The following MAD1L1 variants were observed in gnomAD, a reference collection of about 807,000 sequenced individuals.
MAD1L1 encodes the protein mitotic arrest deficient 1 like 1.
Under a neutral mutation model 96.9 loss-of-function variants are expected in MAD1L1, and 95 were observed. The observed-to-expected ratio is 0.98, with a 90% CI of 0.83 to 1.16. The LOEUF (loss-of-function observed/expected upper bound fraction) is 1.16, where lower values mean the gene tolerates loss of function less well. Ranked by LOEUF, MAD1L1 falls within the 50% of genes most tolerant of loss-of-function variation. MAD1L1 has a pLI of 0.00. For missense variants in MAD1L1, 1,007 were observed against 954.4 expected, an observed-to-expected ratio of 1.06 and a Z score of -0.73; for synonymous variants, 473 against 396.6, an observed-to-expected ratio of 1.19 and a Z score of -2.29.
Position 1,936,809 on chromosome 7 carries a change from C to T in MAD1L1, c.1685G>A (p.Ser562Asn), listed in dbSNP as rs368021777. The change falls in exon 17 of 19, where the codon AGC becomes AAC. Residue 562 changes from serine (S) to asparagine (N), a missense_variant. Ser to Asn is a conservative substitution (Grantham distance 46). Coordinates refer to ENST00000265854, the MANE Select transcript of MAD1L1 (RefSeq NM_001013836.2). Reference protein sequence around the residue: ...VARQRLREDHSQLQAECERLR... With the variant: ...VARQRLREDHNQLQAECERLR... The stretch of plus-strand genomic sequence containing the variant: ...TCGCTCGCACTCCGCCTGCAGCTGG[C>T]TGTGGTCCTCGCGCAGGCGCTGCCT... 1.3e-6 allele frequency: 2 copies of T among 1,597,778 alleles called. No individual in the cohort carries two copies. Among genetic ancestry groups the T allele is most frequent in the African/African-American group, 2.7e-5 (2 of 74,902 alleles).
intron 18 of MAD1L1, among the ~76,000 whole-genome samples, chr7:1,870,971 G>A (rs1280466915): frequency 6.9e-6 from 1 of 145,184 alleles, no homozygotes; most frequent in Non-Finnish European, 1.5e-5. Flanking sequence ...CTGCCACGCT[G>A]AACCCAACAT....
intron 10 of MAD1L1, among the ~76,000 whole-genome samples, chr7:2,194,013 G>A (rs983309842): frequency 1.6e-5 from 2 of 127,738 alleles, no homozygotes; most frequent in East Asian, 2.6e-4. Flanking sequence ...GCATGATCTC[G>A]GCTCACTGCA....
chr7:2,011,535 G>A (rs1420306538), intron 13 of MAD1L1, among the ~76,000 whole-genome samples: 1 of 152,188 alleles, frequency 6.6e-6, no homozygotes, highest in Non-Finnish European at 1.5e-5. Context: ...CCACCCGACT[G>A]TCACTTCAGG....
At chr7:2,144,858 A>G (rs1159316017) in intron 11 of MAD1L1, among the ~76,000 whole-genome samples, 1 of 152,132 alleles carries the variant, frequency 6.6e-6, no homozygotes, top group Admixed American at 6.5e-5. Context: ...AAACCAGGCC[A>G]GGCTCCCCTA....
intron 17 of MAD1L1, among the ~76,000 whole-genome samples, chr7:1,906,197 C>CCAG (rs1263521542): frequency 6.6e-6 from 1 of 152,160 alleles, no homozygotes; most frequent in Non-Finnish European, 1.5e-5. Flanking sequence ...GGAAGAGACG[C>CCAG]CAGCCCTGGT....
chr7:1,986,770 G>A (rs1181483088), intron 14 of MAD1L1, among the ~76,000 whole-genome samples: 1 of 152,200 alleles, frequency 6.6e-6, no homozygotes, highest in Admixed American at 6.5e-5. Context: ...CAGGAAACAA[G>A]GGGGAAATGC....
Position 2,198,087 on chromosome 7 carries a change from T to G in MAD1L1, c.986+15125A>C, listed in dbSNP as rs569079688. 2.6e-5 allele frequency among the ~76,000 whole-genome samples: 4 copies of G among 151,736 alleles called. No individual in the cohort carries two copies. The South Asian group carries it at 6.2e-4, about 24-fold the overall frequency. ...CAAGGTCCACCATGAGTTTGGGTTT[T>G]TTTTTTTTTTTTTGGAGGAAGGGTT... is the stretch of plus-strand genomic sequence containing the variant. On this transcript the variant is annotated intron_variant, in intron 10 of 18. Transcript: ENST00000265854.
chr7:2,232,166 G>A (rs1341778854), intron 1 of MAD1L1, among the ~76,000 whole-genome samples: 2 of 152,182 alleles, frequency 1.3e-5, no homozygotes, highest in East Asian at 1.9e-4. Flanking sequence ...CACAACTAGG[G>A]AACAGCCAAG....
At chr7:1,865,623 G>A (rs1272360929) in intron 18 of MAD1L1, among the ~76,000 whole-genome samples, 2 of 152,246 alleles carry the variant, frequency 1.3e-5, no homozygotes, top group South Asian at 2.1e-4. Flanking sequence ...CATCACCTCA[G>A]TGTGGAATTG....
At chr7:2,000,461 G>C (rs748461337) in intron 14 of MAD1L1, among the ~76,000 whole-genome samples, 1 of 152,090 alleles carries the variant, frequency 6.6e-6, no homozygotes, top group Non-Finnish European at 1.5e-5. Flanking sequence ...CACAAGGTTG[G>C]ACTACCAACC....
chr7:2,191,042 G>A (rs932699390), intron 10 of MAD1L1, among the ~76,000 whole-genome samples: 1 of 152,150 alleles, frequency 6.6e-6, no homozygotes. Context: ...TTATCTGCAA[G>A]AGCAAAAAAC....
chr7:1,893,067 A>C (rs1449778293), intron 18 of MAD1L1, among the ~76,000 whole-genome samples: 2 of 152,318 alleles, frequency 1.3e-5, no homozygotes, highest in Admixed American at 6.5e-5. Context: ...AGGCCCAGGC[A>C]GAGTATGGCC....
chr7:1,964,378 T>C (rs929164208), intron 15 of MAD1L1, among the ~76,000 whole-genome samples: 7 of 152,216 alleles, frequency 4.6e-5, no homozygotes, highest in African/African-American at 1.7e-4. Context: ...GTTAACAGAA[T>C]GACCTGCGTG....
chr7:1,823,830 T>C (rs1352163053), intron 18 of MAD1L1, among the ~76,000 whole-genome samples: 5 of 152,164 alleles, frequency 3.3e-5, no homozygotes, highest in Non-Finnish European at 5.9e-5. Flanking sequence ...GAATATTTCA[T>C]GCTTGGATCT....
At chr7:2,229,042 C>T (rs555660803) in intron 3 of MAD1L1, among the ~76,000 whole-genome samples, 55 of 152,170 alleles carry the variant, frequency 3.6e-4, no homozygotes, top group Non-Finnish European at 1.2e-4. Context: ...CACAAGCTAG[C>T]ATTCTAATAA....
chr7:1,871,837 G>C (rs1785126856), intron 18 of MAD1L1, among the ~76,000 whole-genome samples: 1 of 152,232 alleles, frequency 6.6e-6, no homozygotes, highest in African/African-American at 2.4e-5. Flanking sequence ...CAGCAGCTCG[G>C]AGCCCCAGAG....
intron 18 of MAD1L1, among the ~76,000 whole-genome samples, chr7:1,845,060 G>A (rs148514837): frequency 6.6e-5 from 10 of 152,354 alleles, no homozygotes; most frequent in East Asian, 1.9e-4. Flanking sequence ...CCCACCTGGC[G>A]GGCGCGGGAG....
At chr7:2,105,077 G>A (rs971433828) in intron 11 of MAD1L1, among the ~76,000 whole-genome samples, 1 of 152,200 alleles carries the variant, frequency 6.6e-6, no homozygotes, top group Non-Finnish European at 1.5e-5. Flanking sequence ...ACCGCAGTGA[G>A]GGGCTGTTCT....
chr7:1,895,238 T>C (rs537645705), intron 18 of MAD1L1, among the ~76,000 whole-genome samples: 1 of 152,344 alleles, frequency 6.6e-6, no homozygotes, highest in East Asian at 1.9e-4. Context: ...ATGAAACCGA[T>C]GGACCAAGGT....
Sources: allele counts gnomAD v4.1 joint callset (sites outside exome capture counted in the v4.1 genomes callset), GRCh38; gene constraint gnomAD v4.1.1; transcripts MANE v1.5; gene names NCBI Gene and HGNC (gene_info 2026-07-23, HGNC 2026-07-21).